The following ZNF43 variants were observed in gnomAD, a reference collection of about 807,000 sequenced individuals.
ZNF43 encodes the protein zinc finger protein 39-like 1 (KOX 27).
In ZNF43, 44 loss-of-function variants were observed where a neutral mutation model predicts 68.4. That is an observed-to-expected ratio of 0.64 (90% CI 0.51 to 0.83). The LOEUF (loss-of-function observed/expected upper bound fraction) is 0.83, where lower values mean the gene tolerates loss of function less well. Ranked by LOEUF, ZNF43 falls within the 40% of genes least tolerant of loss-of-function variation. The pLI, the probability that ZNF43 is intolerant of heterozygous loss-of-function variation, is 0.00. For missense variants in ZNF43, 896 were observed against 933.2 expected (o/e 0.96, Z 0.52); for synonymous variants, 308 against 307.8 (o/e 1.00, Z -0.01).
At chr19:21,819,341 A>T (rs1395920608) in intron 1 of ZNF43, 120 bp from the exon 2 acceptor site, 1 of 1,094,706 alleles carries the variant, frequency 9.1e-7, no homozygotes, top group Non-Finnish European at 1.3e-6. Flanking sequence ...TGACTTATAG[A>T]AGAGACTGAA....
At chr19:21,841,287 G>GCTTTTTTTCC (rs1967514853) in intron 1 of ZNF43, 2 of 152,308 alleles carry the variant, frequency 1.3e-5, no homozygotes, top group African/African-American at 4.8e-5. Context: ...GAAAGTAAAT[G>GCTTTTTTTCC]GGAGAGTAAC....
intron 3 of ZNF43, among the ~76,000 whole-genome samples, chr19:21,816,966 G>A (rs1222377756): frequency 6.6e-6 from 1 of 152,100 alleles, no homozygotes; most frequent in Non-Finnish European, 1.5e-5. Context: ...ACAGGCCAGG[G>A]GTGGTGGCTC....
At chr19:21,844,393 A>G (rs1967760375) in intron 1 of ZNF43, among the ~76,000 whole-genome samples, 1 of 149,304 alleles carries the variant, frequency 6.7e-6, no homozygotes, top group African/African-American at 2.5e-5. Context: ...ACACAATTTC[A>G]TCTGTGTTTT....
chr19:21,836,391 C>A (rs1024482489), upstream of ZNF43, among the ~76,000 whole-genome samples: 4 of 152,342 alleles, frequency 2.6e-5, no homozygotes, highest in South Asian at 6.2e-4. Context: ...CCTCCCTGAG[C>A]AGAGCAGGCC....
rs2038721991 is a variant in ZNF43, at chr19:21,836,150, A to ACGAGACGCAGAGCTC, written c.-127_-113dup. 2.5e-6 allele frequency: 4 copies of ACGAGACGCAGAGCTC among 1,579,570 alleles called. No homozygotes were observed. In the East Asian group the frequency reaches 9.0e-5, roughly 35 times the overall value. On this transcript the variant is annotated 5_prime_UTR_variant, in exon 1 of 4. Coordinates refer to ENST00000354959, the MANE Select transcript of ZNF43 (RefSeq NM_003423.4). Reference sequence around the variant, plus strand: ...CAGCAGAGGACACAGAAGAACGAAGACGAGACGCAGAGCTCCAACTGCAGC... The same window carrying ACGAGACGCAGAGCTC: ...CAGCAGAGGACACAGAAGAACGAAGACGAGACGCAGAGCTCCGAGACGCAGAGCTCCAACTGCAGC...
chr19:21,816,107 T>C (rs546138409), intron 3 of ZNF43, among the ~76,000 whole-genome samples: 299 of 149,520 alleles, frequency 2.0e-3, no homozygotes, highest in African/African-American at 6.7e-3. Flanking sequence ...TAAAAATGTA[T>C]AGGGAGAGTG....
chr19:21,816,445 T>C (rs1360495427), intron 3 of ZNF43, among the ~76,000 whole-genome samples: 1 of 152,102 alleles, frequency 6.6e-6, no homozygotes, highest in Non-Finnish European at 1.5e-5. Context: ...CTCATTCAGG[T>C]GGCAAACTAC....
chr19:21,806,169 C>CTTTTTT lies in ZNF43; in HGVS notation c.*1432_*1437dup, dbSNP rs74174041. On this transcript the variant is annotated 3_prime_UTR_variant, in exon 4 of 4. Coordinates refer to ENST00000354959, the MANE Select transcript of ZNF43 (RefSeq NM_003423.4). ...CTCCAGTTACATTTTCATCACGCAT[C>CTTTTTT]TTTTTTTTTTTTTTTTTTCTTTTTG... 1 of 126,122 alleles carries CTTTTTT rather than the reference C, an allele frequency of 7.9e-6. No individual in the cohort carries two copies. The highest frequency in any genetic ancestry group is 1.7e-5 in the Non-Finnish European group (1 of 57,922). 7.8% of individuals were successfully genotyped at this position (126,122 alleles called of 1,614,324 possible).
intron 1 of ZNF43, among the ~76,000 whole-genome samples, chr19:21,824,746 AAAAAAG>A (rs930912115): frequency 2.6e-5 from 4 of 151,680 alleles, no homozygotes; most frequent in African/African-American, 9.7e-5. Flanking sequence ...AAAAAAAAAA[AAAAAAG>A]AAAAAAGAAA....
intron 1 of ZNF43, among the ~76,000 whole-genome samples, chr19:21,830,937 G>A (rs994531235): frequency 6.6e-6 from 1 of 152,110 alleles, no homozygotes; most frequent in Non-Finnish European, 1.5e-5. Context: ...GGGATGCAAG[G>A]TTATTTCAAC....
chr19:21,805,028 CAATTT>C lies in ZNF43; in HGVS notation c.*2574_*2578del, dbSNP rs2036873360. On this transcript the variant is annotated 3_prime_UTR_variant, in exon 4 of 4. Coordinates refer to ENST00000354959, the MANE Select transcript of ZNF43 (RefSeq NM_003423.4). ...ATTAAAATGACCCTGTAGTCAATAACAATTTAATTGTACATTAAAATAATGAAGTG... is the reference window on the plus strand; with the variant it reads ...ATTAAAATGACCCTGTAGTCAATAACAATTGTACATTAAAATAATGAAGTG... 1.3e-5 allele frequency: 2 copies of C among 152,042 alleles called. No individual in the cohort carries two copies. 9.4% of individuals were successfully genotyped at this position (152,042 alleles called of 1,614,324 possible).
chr19:21,845,241 C>G lies in ZNF43; in HGVS notation c.30+6664G>C, dbSNP rs116418488. ...GGTTGCTGATCCCAGTGGTATGTTA[C>G]AATGTTTTTGGGGGGCATGGTGCAT... On this transcript the variant is annotated intron_variant, in intron 1 of 3. Coordinates refer to the ZNF43 transcript ENST00000357491. Among the ~76,000 whole-genome samples, 428 of 152,094 alleles carry G rather than the reference C, an allele frequency of 2.8e-3. 4 individuals are homozygous for G. Among genetic ancestry groups the G allele is most frequent in the African/African-American group, 9.4e-3 (389 of 41,498 alleles).
intron 1 of ZNF43, among the ~76,000 whole-genome samples, chr19:21,820,805 A>G (rs544303771): frequency 7.9e-5 from 12 of 151,542 alleles, no homozygotes; most frequent in Non-Finnish European, 1.6e-4. Flanking sequence ...AAAGTTCAAG[A>G]TACAGATGTC....
chr19:21,818,194 C>T (rs541989687), intron 2 of ZNF43, among the ~76,000 whole-genome samples: 49 of 152,006 alleles, frequency 3.2e-4, no homozygotes, highest in Admixed American at 3.9e-4. Flanking sequence ...TCTCCACCTC[C>T]GGGATTCAAG....
At chr19:21,824,244 T>G (rs1227259273) in intron 1 of ZNF43, among the ~76,000 whole-genome samples, 3 of 152,114 alleles carry the variant, frequency 2.0e-5, no homozygotes, top group Admixed American at 2.0e-4. Flanking sequence ...CTGTCCTGAT[T>G]AGCTAGCTCT....
chr19:21,820,455 G>A (rs2037766775), intron 1 of ZNF43, among the ~76,000 whole-genome samples: 1 of 150,946 alleles, frequency 6.6e-6, no homozygotes, highest in Non-Finnish European at 1.5e-5. Context: ...GCGGGTGCCT[G>A]TAATCCCAGC....
Position 21,833,287 on chromosome 19 carries a change from A to C in ZNF43, c.3+2749T>G, listed in dbSNP as rs1193902629. The stretch of plus-strand genomic sequence containing the variant: ...TTTTATTTTATTTATTTATTTTTTA[A>C]ACAGAGTTTCCCTCTTGTCGCCCAG... On this transcript the variant is annotated intron_variant, in intron 1 of 3. Transcript: ENST00000354959. Among the ~76,000 whole-genome samples, 4 of 152,024 alleles carry C rather than the reference A, an allele frequency of 2.6e-5. No individual in the cohort carries two copies. The East Asian group carries it at 7.7e-4, about 29-fold the overall frequency.
intron 1 of ZNF43, among the ~76,000 whole-genome samples, chr19:21,830,876 C>T (rs1254969805): frequency 6.6e-6 from 1 of 152,056 alleles, no homozygotes; most frequent in Non-Finnish European, 1.5e-5. Context: ...AAACTGAATC[C>T]AGCAGCACAT....
chr19:21,841,881 T>G (rs978391929), intron 1 of ZNF43, among the ~76,000 whole-genome samples: 3 of 152,240 alleles, frequency 2.0e-5, no homozygotes, highest in Non-Finnish European at 4.4e-5. Context: ...ACTAGCCATA[T>G]TTTAATATAT....
Sources: allele counts gnomAD v4.1 joint callset (sites outside exome capture counted in the v4.1 genomes callset), GRCh38; gene constraint gnomAD v4.1.1; transcripts MANE v1.5; gene names NCBI Gene and HGNC (gene_info 2026-07-23, HGNC 2026-07-21).